PTPRK: variants seen among roughly 807,000 people sequenced by gnomAD.
PTPRK encodes the protein receptor-type tyrosine-protein phosphatase kappa.
Under a neutral mutation model 178.0 loss-of-function variants are expected in PTPRK, and 75 were observed. The ratio of observed to expected loss-of-function variants is 0.42; its 90% confidence interval spans 0.35 to 0.51. The LOEUF is 0.51. Ranked by LOEUF, PTPRK falls within the 20% of genes least tolerant of loss-of-function variation. PTPRK has a pLI of 0.02. For synonymous variants in PTPRK, 637 were observed against 620.6 expected (o/e 1.03, Z -0.39); for missense variants, 1,441 against 1,797.8 (o/e 0.80, Z 3.59).
At chr6:128,435,914 T>C (rs1356876982) in intron 1 of PTPRK, among the ~76,000 whole-genome samples, 1 of 151,692 alleles carries the variant, frequency 6.6e-6, no homozygotes, top group Non-Finnish European at 1.5e-5. Context: ...TTTGGCATTA[T>C]AACAGGATGT....
intron 2 of PTPRK, among the ~76,000 whole-genome samples, chr6:128,363,589 T>C (rs1390934295): frequency 6.6e-6 from 1 of 152,054 alleles, no homozygotes; most frequent in Non-Finnish European, 1.5e-5. Flanking sequence ...TCTGGAAACC[T>C]CCTTCACACC....
intron 10 of PTPRK, among the ~76,000 whole-genome samples, chr6:128,079,817 A>G (rs1784495870): frequency 6.6e-6 from 1 of 152,088 alleles, no homozygotes; most frequent in African/African-American, 2.4e-5. Context: ...AATTATAGCA[A>G]AATGTTAGTG....
intron 7 of PTPRK, among the ~76,000 whole-genome samples, chr6:128,154,325 A>C (rs1474259717): frequency 2.0e-5 from 3 of 151,856 alleles, no homozygotes; most frequent in Non-Finnish European, 4.4e-5. Flanking sequence ...CAATAGCAAA[A>C]AAATTAGGAA....
chr6:128,448,658 G>T (rs551318995), intron 1 of PTPRK, among the ~76,000 whole-genome samples: 3 of 152,160 alleles, frequency 2.0e-5, no homozygotes, highest in Non-Finnish European at 4.4e-5. Flanking sequence ...TGTTTGGGAT[G>T]AGACAGAGAC....
intron 1 of PTPRK, among the ~76,000 whole-genome samples, chr6:128,445,723 T>A (rs1846923032): frequency 6.6e-6 from 1 of 152,168 alleles, no homozygotes; most frequent in Admixed American, 6.5e-5. Flanking sequence ...TATAGTGATA[T>A]TTACATTATC....
intron 1 of PTPRK, among the ~76,000 whole-genome samples, chr6:128,407,478 A>C (rs1435424559): frequency 6.6e-6 from 1 of 151,892 alleles, no homozygotes; most frequent in Non-Finnish European, 1.5e-5. Flanking sequence ...TGTCTACAAA[A>C]ATTTCTAAAA....
intron 3 of PTPRK, among the ~76,000 whole-genome samples, chr6:128,314,566 T>A (rs1047564566): frequency 2.0e-5 from 3 of 152,230 alleles, no homozygotes; most frequent in African/African-American, 7.2e-5. Flanking sequence ...CTTTTCTACT[T>A]AACTAGCTCT....
intron 1 of PTPRK, among the ~76,000 whole-genome samples, chr6:128,448,323 C>T (rs1013585174): frequency 6.6e-6 from 1 of 152,168 alleles, no homozygotes; most frequent in African/African-American, 2.4e-5. Flanking sequence ...ATCATTAACT[C>T]ATCTGAGTAT....
intron 2 of PTPRK, among the ~76,000 whole-genome samples, chr6:128,341,037 A>G (rs1157471694): frequency 6.6e-6 from 1 of 152,176 alleles, no homozygotes; most frequent in African/African-American, 2.4e-5. Flanking sequence ...CAGGAACTGC[A>G]CAATATCTGT....
At chr6:128,394,588 A>C (rs1435072932) in intron 2 of PTPRK, among the ~76,000 whole-genome samples, 1 of 152,080 alleles carries the variant, frequency 6.6e-6, no homozygotes, top group Non-Finnish European at 1.5e-5. Context: ...ATTTCATATG[A>C]TTTGGGGACA....
At chr6:128,502,631 C>A (rs1855729221) in intron 1 of PTPRK, among the ~76,000 whole-genome samples, 1 of 152,086 alleles carries the variant, frequency 6.6e-6, no homozygotes, top group Non-Finnish European at 1.5e-5. Flanking sequence ...CTAAAATGTT[C>A]AGGAATTTTG....
At chr6:127,972,759 T>A (rs1033000566) in intron 29 of PTPRK, among the ~76,000 whole-genome samples, 1 of 152,174 alleles carries the variant, frequency 6.6e-6, no homozygotes, top group Non-Finnish European at 1.5e-5. Flanking sequence ...AGCAAATATT[T>A]TTTGGCTATA....
At chr6:128,196,849 T>C (rs938765439) in intron 6 of PTPRK, among the ~76,000 whole-genome samples, 3 of 152,086 alleles carry the variant, frequency 2.0e-5, no homozygotes, top group African/African-American at 7.2e-5. Context: ...AAATTCCCTA[T>C]CCTTTTCCAC....
chr6:128,034,415 G>A (rs993552268), intron 13 of PTPRK, among the ~76,000 whole-genome samples: 16 of 152,272 alleles, frequency 1.1e-4, no homozygotes, highest in Non-Finnish European at 2.2e-4. Context: ...AAAAGAATCC[G>A]TAAACTCTTC....
intron 2 of PTPRK, among the ~76,000 whole-genome samples, chr6:128,374,067 T>C (rs532810117): frequency 6.6e-6 from 1 of 152,270 alleles, no homozygotes; most frequent in Admixed American, 6.5e-5. Context: ...CCTTCTTTCA[T>C]GGATAAAGAC....
chr6:128,246,503 C>T (rs1307329086), intron 3 of PTPRK, among the ~76,000 whole-genome samples: 1 of 152,116 alleles, frequency 6.6e-6, no homozygotes, highest in African/African-American at 2.4e-5. Context: ...GTCTTTGCCT[C>T]ATTAACGAGA....
chr6:128,068,065 G>A (rs1782142455), intron 11 of PTPRK, among the ~76,000 whole-genome samples: 3 of 152,162 alleles, frequency 2.0e-5, no homozygotes, highest in Admixed American at 6.5e-5. Flanking sequence ...AAATGTTGAG[G>A]AATGAGCCAC....
chr6:127,996,140 G>A (rs1474467160), intron 17 of PTPRK, among the ~76,000 whole-genome samples: 2 of 152,002 alleles, frequency 1.3e-5, no homozygotes, highest in East Asian at 3.9e-4. Context: ...ATATCTTGAG[G>A]ACTTACTCAG....
At chr6:128,032,754 G>A (rs1158417782) in intron 13 of PTPRK, among the ~76,000 whole-genome samples, 1 of 152,082 alleles carries the variant, frequency 6.6e-6, no homozygotes, top group Non-Finnish European at 1.5e-5. Context: ...ATAACATGAA[G>A]AAAGGAGTCA....
Sources: gnomAD v4.1 joint callset for allele counts (sites outside exome capture counted in the v4.1 genomes callset) on GRCh38, gnomAD v4.1.1 for gene constraint, MANE v1.5 for transcripts, NCBI Gene and HGNC (gene_info 2026-07-23, HGNC 2026-07-21) for gene names.